Variants in AGBL1 observed in about 807,000 individuals in gnomAD.
AGBL1 encodes the protein AGBL carboxypeptidase 1.
AGBL1 carries 130 observed loss-of-function variants against 118.9 expected under a neutral mutation model. The ratio of observed to expected loss-of-function variants is 1.09; its 90% CI spans 0.95 to 1.26. The LOEUF (loss-of-function observed/expected upper bound fraction) is 1.26. Ranked by LOEUF, AGBL1 falls within the 50% of genes most tolerant of loss-of-function variation. The pLI is 0.00. For missense variants in AGBL1, 1,584 were observed against 1,298.1 expected, an observed-to-expected ratio of 1.22 and a Z score of -3.38; for synonymous variants, 555 against 478.9, an observed-to-expected ratio of 1.16 and a Z score of -2.08.
At chr15:86,263,086 C>A (rs28733100) in intron 10 of AGBL1, among the ~76,000 whole-genome samples, 192 bp downstream of exon 10, 4,675 of 152,216 alleles carry the variant, frequency 0.031, 252 homozygotes, top group African/African-American at 0.11. Context: ...AAAAAAGTTA[C>A]GATGTATGCA....
chr15:86,580,427 A>G (rs2084157441), intron 21 of AGBL1, among the ~76,000 whole-genome samples: 1 of 152,164 alleles, frequency 6.6e-6, no homozygotes, highest in Non-Finnish European at 1.5e-5. Context: ...AAAACAAGCA[A>G]TATGGACCAT....
intron 8 of AGBL1, 31 bp from the exon 9 acceptor site, chr15:86,257,933 T>C: frequency 6.2e-7 from 1 of 1,606,418 alleles, no homozygotes; most frequent in Non-Finnish European, 8.5e-7. Flanking sequence ...AGGGGAAACT[T>C]CACTTATTTC....
chr15:86,925,134 GGAA>G (rs1455410213), intron 23 of AGBL1, among the ~76,000 whole-genome samples: 2 of 23,714 alleles, frequency 8.4e-5, no homozygotes, highest in South Asian at 4.0e-3. Flanking sequence ...AAGAGGAAGA[GGAA>G]GAGGAAGAGG....
At chr15:86,109,526 T>C (rs1897240231) in intron 1 of AGBL1, among the ~76,000 whole-genome samples, 6 of 152,240 alleles carry the variant, frequency 3.9e-5, no homozygotes. Flanking sequence ...AAAATAAGGA[T>C]AATTCAACCT....
intron 1 of AGBL1, among the ~76,000 whole-genome samples, chr15:86,131,401 T>G (rs956094855): frequency 6.6e-6 from 1 of 152,194 alleles, no homozygotes; most frequent in Non-Finnish European, 1.5e-5. Flanking sequence ...TCAAAAAGTT[T>G]CCACTAAATA....
At chr15:86,523,523 CA>C (rs1411132472) in intron 19 of AGBL1, among the ~76,000 whole-genome samples, 1 of 152,090 alleles carries the variant, frequency 6.6e-6, no homozygotes, top group Non-Finnish European at 1.5e-5. Context: ...ATTGACCCCA[CA>C]ACAAAGGCAA....
intron 22 of AGBL1, among the ~76,000 whole-genome samples, chr15:86,800,288 G>A (rs778069096): frequency 5.9e-5 from 9 of 152,098 alleles, no homozygotes; most frequent in Non-Finnish European, 1.3e-4. Flanking sequence ...ACTATAAAAT[G>A]TTTGAAGCCA....
intron 23 of AGBL1, among the ~76,000 whole-genome samples, chr15:86,974,486 A>C (rs1338532901): frequency 7.2e-6 from 1 of 139,170 alleles, no homozygotes; most frequent in African/African-American, 2.6e-5. Flanking sequence ...TATTGAATAT[A>C]AACATATTTT....
At chr15:86,343,306 GCTATGAATCCCTC>G in intron 17 of AGBL1, among the ~76,000 whole-genome samples, 1 of 74,568 alleles carries the variant, frequency 1.3e-5, no homozygotes, top group Middle Eastern at 7.7e-3. Flanking sequence ...TTCCTCCTTG[GCTATGAATCCCTC>G]CCCTTAAGAG....
At chr15:86,934,369 C>G (rs1171226896) in intron 23 of AGBL1, among the ~76,000 whole-genome samples, 2 of 152,268 alleles carry the variant, frequency 1.3e-5, no homozygotes, top group East Asian at 1.9e-4. Flanking sequence ...AAGAATAAGT[C>G]TTTGGGATCA....
intron 6 of AGBL1, among the ~76,000 whole-genome samples, chr15:86,226,522 C>T (rs2078366560): frequency 6.6e-6 from 1 of 152,152 alleles, no homozygotes; most frequent in Non-Finnish European, 1.5e-5. Context: ...GGTTGAGCAT[C>T]CTGATATAAA....
intron 22 of AGBL1, among the ~76,000 whole-genome samples, chr15:86,709,556 A>T (rs1052083012): frequency 6.6e-6 from 1 of 152,176 alleles, no homozygotes; most frequent in Admixed American, 6.6e-5. Flanking sequence ...ATGCAAAGAC[A>T]TTCAACAAAT....
intron 22 of AGBL1, among the ~76,000 whole-genome samples, chr15:86,693,696 C>T (rs1222360470): frequency 6.6e-6 from 1 of 152,054 alleles, no homozygotes; most frequent in Non-Finnish European, 1.5e-5. Context: ...GGGTCTTTTC[C>T]AATGTTATCT....
At chr15:86,398,255 G>A (rs1178131686) in intron 18 of AGBL1, among the ~76,000 whole-genome samples, 1 of 152,162 alleles carries the variant, frequency 6.6e-6, no homozygotes, top group African/African-American at 2.4e-5. Context: ...CTCAGAGTTT[G>A]TGAGCTGAGG....
chr15:86,110,354 A>G (rs1254791168), intron 1 of AGBL1, among the ~76,000 whole-genome samples: 4 of 152,254 alleles, frequency 2.6e-5, no homozygotes, highest in African/African-American at 9.6e-5. Flanking sequence ...TTTGTATGTT[A>G]TATGTATCGT....
At chr15:86,323,993 G>A (rs2080144998) in intron 17 of AGBL1, among the ~76,000 whole-genome samples, 1 of 152,196 alleles carries the variant, frequency 6.6e-6, no homozygotes, top group Non-Finnish European at 1.5e-5. Context: ...GGATGGTGAT[G>A]TGCACAGAGA....
intron 21 of AGBL1, among the ~76,000 whole-genome samples, chr15:86,643,216 A>G (rs2085221868): frequency 6.6e-6 from 1 of 152,222 alleles, no homozygotes; most frequent in African/African-American, 2.4e-5. Context: ...ACACACATAT[A>G]TATTCAACAT....
chr15:86,425,737 C>G (rs2081858707), intron 18 of AGBL1, among the ~76,000 whole-genome samples: 1 of 152,108 alleles, frequency 6.6e-6, no homozygotes, highest in African/African-American at 2.4e-5. Flanking sequence ...AAAGTGATGT[C>G]CAGGGCCAAC....
chr15:86,439,468 A>C (rs930339812), intron 18 of AGBL1, among the ~76,000 whole-genome samples: 12 of 152,176 alleles, frequency 7.9e-5, no homozygotes, highest in Admixed American at 4.6e-4. Flanking sequence ...GTAGACTATA[A>C]ATTTGAAGAC....
Sources: allele counts gnomAD v4.1 joint callset (sites outside exome capture counted in the v4.1 genomes callset), GRCh38; gene constraint gnomAD v4.1.1; transcripts MANE v1.5; gene names NCBI Gene and HGNC (gene_info 2026-07-23, HGNC 2026-07-21).